The following CYP21A2 variants were observed in gnomAD, a reference collection of about 807,000 sequenced individuals.
The protein encoded by CYP21A2 is cytochrome P450 family 21 subfamily A member 2.
In CYP21A2, 24 loss-of-function variants were observed where a neutral mutation model predicts 47.4. The ratio of observed to expected loss-of-function variants is 0.51; its 90% CI spans 0.37 to 0.71. The LOEUF (loss-of-function observed/expected upper bound fraction) is 0.71, where lower values mean the gene tolerates loss of function less well. Ranked by LOEUF, CYP21A2 falls within the 30% of genes least tolerant of loss-of-function variation. CYP21A2 has a pLI of 0.00. For missense variants in CYP21A2, 358 were observed against 643.2 expected (o/e 0.56, Z 4.80); for synonymous variants, 130 against 273.9 (o/e 0.47, Z 5.19).
chr6:32,039,709 G>A, intron 5 of CYP21A2, 40 bp from the exon 6 acceptor site: 1 of 1,578,942 alleles, frequency 6.3e-7, no homozygotes, highest in Non-Finnish European at 8.6e-7. Flanking sequence ...GGAGGGAGAG[G>A]CTCCTTCCCA....
At chr6:32,038,935 G>A (rs1776032819) in intron 2 of CYP21A2, 124 bp downstream of exon 2, 1 of 1,449,260 alleles carries the variant, frequency 6.9e-7, no homozygotes, top group Non-Finnish European at 9.5e-7. Context: ...TCAGCCTCAA[G>A]TGTGAGCCAC....
intron 6 of CYP21A2, 64 bp downstream of exon 6, chr6:32,039,899 T>C (rs1776158356): frequency 1.2e-6 from 2 of 1,605,688 alleles, no homozygotes; most frequent in African/African-American, 1.3e-5. Flanking sequence ...GGCCTCAGCA[T>C]TGCTATGAGG....
At chr6:32,039,863 C>G (rs373325470) in intron 6 of CYP21A2, 28 bp downstream of exon 6, 120 of 1,609,672 alleles carry the variant, frequency 7.5e-5, no homozygotes, top group Non-Finnish European at 1.0e-4. Context: ...ACGGCCTCCC[C>G]TCGGCCCACA....
In CYP21A2 at chr6:32,038,494, G is replaced by A; in HGVS notation, c.72G>A (p.Lys24=). 1 of 1,593,270 alleles carries A rather than the reference G, an allele frequency of 6.3e-7. No homozygotes were observed. Among genetic ancestry groups the A allele is most frequent in the Admixed American group, 1.8e-5 (1 of 57,138 alleles). Reference sequence around the variant, plus strand: ...CCCGCCTGCTGTGGAACTGGTGGAAGCTCCGGAGCCTCCACCTCCCGCCTC... The same window carrying A: ...CCCGCCTGCTGTGGAACTGGTGGAAACTCCGGAGCCTCCACCTCCCGCCTC... The part of the protein sequence containing the change: ...AGARLLWNWW[K]LRSLHLPPLA... Residue 24 remains lysine (K), a synonymous_variant, in exon 1 of 10, where the codon AAG becomes AAA. Coordinates refer to ENST00000644719, the MANE Select transcript of CYP21A2 (RefSeq NM_000500.9).
At position 32,039,465 on chromosome 6, in the gene CYP21A2, A is replaced by C; in HGVS notation, c.549+8A>C. 1.3e-6 allele frequency: 2 copies of C among 1,597,084 alleles called. No individual in the cohort carries two copies. Among genetic ancestry groups the C allele is most frequent in the Non-Finnish European group, 1.7e-6 (2 of 1,171,470 alleles). On this transcript the variant is annotated splice_region_variant and intron_variant, in intron 4 of 9. Transcript: ENST00000644719. Reference sequence around the variant, plus strand: ...TTCGGAGACAAGATCAAGGTGCCTCACAGCCCCTCAGGCCCACCCCCAGCC... The same window carrying C: ...TTCGGAGACAAGATCAAGGTGCCTCCCAGCCCCTCAGGCCCACCCCCAGCC...
In CYP21A2 at chr6:32,039,648, G is replaced by C; in HGVS notation, c.651+1G>C. On this transcript the variant is annotated splice_donor_variant, in intron 5 of 9. Coordinates refer to ENST00000644719, the MANE Select transcript of CYP21A2 (RefSeq NM_000500.9). LOFTEE classifies it high-confidence loss of function. ...TGTGGACGTGATTCCCTTTCTCAGGGTGAGGACCTGGAGCCTAGACACCCC... is the reference window on the plus strand; with the variant it reads ...TGTGGACGTGATTCCCTTTCTCAGGCTGAGGACCTGGAGCCTAGACACCCC... The C allele has an allele frequency of 3.2e-6, 5 of 1,562,502 alleles. No homozygotes were observed. The highest frequency in any genetic ancestry group is 4.3e-6 in the Non-Finnish European group (5 of 1,152,348).
At position 32,041,085 on chromosome 6, in the gene CYP21A2, G is replaced by T. The variant is rs184649564; in HGVS notation, c.1439G>T (p.Arg480Leu). 3.3e-3 allele frequency: 5,128 copies of T among 1,571,116 alleles called. 1 individual carries two copies. In the African/African-American group the frequency reaches 0.059, roughly 18 times the overall value. The part of the protein sequence containing the change: ...VILKMQPFQV[R>L]LQPRGMGAHS... Reference sequence around the variant, plus strand: ...CTCAAGATGCAGCCTTTCCAAGTGCGGCTGCAGCCCCGGGGGATGGGGGCC... The same window carrying T: ...CTCAAGATGCAGCCTTTCCAAGTGCTGCTGCAGCCCCGGGGGATGGGGGCC... The change falls in exon 10 of 10, where the codon CGG (arginine) becomes CTG (leucine). Residue 480 changes from arginine to leucine, a missense_variant. By Grantham distance (102) the Arg-to-Leu change is moderately radical. Transcript: ENST00000644719.
At position 32,040,390 on chromosome 6, in the gene CYP21A2, C is replaced by T. The variant is rs1274994606; in HGVS notation, c.940-16C>T. The T allele has an allele frequency of 6.2e-7, 1 of 1,612,730 alleles. No individual in the cohort carries two copies. Among genetic ancestry groups the T allele is most frequent in the East Asian group, 2.2e-5 (1 of 44,864 alleles). On this transcript the variant is annotated splice_polypyrimidine_tract_variant and intron_variant, in intron 7 of 9. Transcript: ENST00000644719. The stretch of plus-strand genomic sequence containing the variant: ...TGTGGGCTGCTGGGGCAGGACTCCA[C>T]CCGATCATTCCCCAGATTCAGCAGC...
chr6:32,040,220 C>G lies in CYP21A2; in HGVS notation c.939+15C>G. 1.9e-6 allele frequency: 3 copies of G among 1,612,834 alleles called. No individual in the cohort carries two copies. Among genetic ancestry groups the G allele is most frequent in the Non-Finnish European group, 2.5e-6 (3 of 1,179,854 alleles). On this transcript the variant is annotated intron_variant, in intron 7 of 9. Coordinates refer to ENST00000644719, the MANE Select transcript of CYP21A2 (RefSeq NM_000500.9). ...ACCACCCTGAGGTGCGTCCTGGGGA[C>G]AAGCAAAAGGCTCCTTCCCAGCAAC...
Position 32,041,146 on chromosome 6 carries a change from C to T in CYP21A2, c.*12C>T, listed in dbSNP as rs150697472. On this transcript the variant is annotated 3_prime_UTR_variant, in exon 10 of 10. Transcript: ENST00000644719. ...GCCAGAGCCAGTGATGGGGCAGGAC[C>T]GATGCCAGCCGGGTACCTCAGTTTC... 15,577 of 1,589,556 alleles carry T rather than the reference C, an allele frequency of 9.8e-3. 22 individuals are homozygous for T. The highest frequency in any genetic ancestry group is 0.066 in the Middle Eastern group (304 of 4,590).
Position 32,038,561 on chromosome 6 carries a change from A to G in CYP21A2, c.139A>G (p.Ile47Val). ...GCACCTGCTGCAGCCCGACCTCCCC[A>G]TCTATCTGCTTGGCCTGACTCAGAA... ...FLHLLQPDLP[I>V]YLLGLTQKFG... The change falls in exon 1 of 10, where the codon ATC (isoleucine) becomes GTC (valine). Residue 47 changes from isoleucine to valine, a missense_variant. Ile to Val is a conservative substitution (Grantham distance 29, BLOSUM62 3). Coordinates refer to ENST00000644719, the MANE Select transcript of CYP21A2 (RefSeq NM_000500.9). The G allele has an allele frequency of 1.9e-6, 3 of 1,599,930 alleles. No individual in the cohort carries two copies. Among genetic ancestry groups the G allele is most frequent in the Non-Finnish European group, 2.6e-6 (3 of 1,172,720 alleles).
chr6:32,038,866 G>T (rs1294738165), intron 2 of CYP21A2, 55 bp downstream of exon 2: 2 of 1,397,266 alleles, frequency 1.4e-6, no homozygotes, highest in African/African-American at 2.8e-5. Context: ...TAAGAGATGG[G>T]TTCTTGCTAT....
intron 6 of CYP21A2, 50 bp from the exon 7 acceptor site, chr6:32,039,955 A>C: frequency 6.2e-7 from 1 of 1,609,116 alleles, no homozygotes; most frequent in African/African-American, 1.3e-5. Flanking sequence ...GCCACTCTGT[A>C]CTCCTCTCCC....
Position 32,039,152 on chromosome 6 carries a change from G to C in CYP21A2, c.351G>C (p.Trp117Cys). 1 of 1,611,082 alleles carries C rather than the reference G, an allele frequency of 6.2e-7. No individual in the cohort carries two copies. The highest frequency in any genetic ancestry group is 8.5e-7 in the Non-Finnish European group (1 of 1,178,732). Reference sequence around the variant, plus strand: ...CCTTGGGAGACTACTCCCTGCTCTGGAAAGCCCACAAGAAGCTCACCCGCT... The same window carrying C: ...CCTTGGGAGACTACTCCCTGCTCTGCAAAGCCCACAAGAAGCTCACCCGCT... Reference protein sequence around the residue: ...DLSLGDYSLLWKAHKKLTRSA... With the variant: ...DLSLGDYSLLCKAHKKLTRSA... The change falls in exon 3 of 10, where the codon TGG becomes TGC. Residue 117 changes from tryptophan (W) to cysteine (C), a missense_variant. By Grantham distance (215) the Trp-to-Cys change is radical. Transcript: ENST00000644719.
In CYP21A2 at chr6:32,040,525, G is replaced by C; in HGVS notation, c.1059G>C (p.Val353=). The C allele has an allele frequency of 6.2e-7, 1 of 1,613,642 alleles. No homozygotes were observed. Among genetic ancestry groups the C allele is most frequent in the Non-Finnish European group, 8.5e-7 (1 of 1,179,832 alleles). ...LPLLNATIAE[V]LRLRPVVPLA... Reference sequence around the variant, plus strand: ...TGCTCAATGCCACCATCGCCGAGGTGCTGCGCCTGCGGCCCGTTGTGCCCT... The same window carrying C: ...TGCTCAATGCCACCATCGCCGAGGTCCTGCGCCTGCGGCCCGTTGTGCCCT... Residue 353 remains valine (V), a synonymous_variant, in exon 8 of 10, where the codon GTG becomes GTC. Transcript: ENST00000644719.
rs1048992578 is a variant in CYP21A2 at position 32,041,523 on chromosome 6, T to C, written c.*389T>C. 3.5e-5 allele frequency: 41 copies of C among 1,180,264 alleles called. 5 individuals are homozygous for C. Among genetic ancestry groups the C allele is most frequent in the East Asian group, 5.1e-5 (2 of 39,582 alleles). 73.1% of individuals were successfully genotyped at this position (1,180,264 alleles called of 1,614,324 possible). A position where few individuals can be genotyped will look rare whatever the true frequency, so the allele number is the denominator to read the frequency against. On this transcript the variant is annotated 3_prime_UTR_variant, in exon 10 of 10. Coordinates refer to ENST00000644719, the MANE Select transcript of CYP21A2 (RefSeq NM_000500.9). Reference sequence around the variant, plus strand: ...GCTCTTCCCGTTCCCCTTAAGGAGGTAGCTCCCAGCACTCAACCAACCTCC... The same window carrying C: ...GCTCTTCCCGTTCCCCTTAAGGAGGCAGCTCCCAGCACTCAACCAACCTCC...
Position 32,041,186 on chromosome 6 carries a change from C to A in CYP21A2, c.*52C>A. The A allele has an allele frequency of 8.1e-7, 1 of 1,229,734 alleles. No individual in the cohort carries two copies. The highest frequency in any genetic ancestry group is 1.2e-6 in the Non-Finnish European group (1 of 846,874). 76.2% of individuals were successfully genotyped at this position (1,229,734 alleles called of 1,614,324 possible). Reference sequence around the variant, plus strand: ...ACCTCAGTTTCTCCTTTATTGCTCCCGTACGAACCCCTCCCCTCCCCCCTG... The same window carrying A: ...ACCTCAGTTTCTCCTTTATTGCTCCAGTACGAACCCCTCCCCTCCCCCCTG... On this transcript the variant is annotated 3_prime_UTR_variant, in exon 10 of 10. Transcript: ENST00000644719.
At position 32,041,147 on chromosome 6, in the gene CYP21A2, G is replaced by A. The variant is rs6447; in HGVS notation, c.*13G>A. The A allele has an allele frequency of 0.017, 27,215 of 1,587,566 alleles. 685 individuals are homozygous for A. Among genetic ancestry groups the A allele is most frequent in the East Asian group, 0.063 (2,807 of 44,420 alleles). On this transcript the variant is annotated 3_prime_UTR_variant, in exon 10 of 10. Transcript: ENST00000644719. ...CCAGAGCCAGTGATGGGGCAGGACC[G>A]ATGCCAGCCGGGTACCTCAGTTTCT...
chr6:32,039,270 C>A (rs1306795346), intron 3 of CYP21A2, 22 bp downstream of exon 3: 2 of 1,572,108 alleles, frequency 1.3e-6, no homozygotes, highest in Non-Finnish European at 1.7e-6. Flanking sequence ...CTCCTGAGGC[C>A]ACCTCGGGTC....
Sources: allele counts gnomAD v4.1 joint callset, GRCh38; gene constraint gnomAD v4.1.1; transcripts MANE v1.5; gene names NCBI Gene and HGNC (gene_info 2026-07-23, HGNC 2026-07-21).